ENPEP: variants seen among roughly 807,000 people sequenced by gnomAD.
ENPEP encodes glutamyl aminopeptidase, also known as AP-A.
ENPEP carries 103 observed loss-of-function variants against 114.5 expected under a neutral mutation model. The observed-to-expected ratio is 0.90, with a 90% confidence interval of 0.77 to 1.06. ENPEP has a LOEUF of 1.06. Ranked by LOEUF, ENPEP falls within the 50% of genes least tolerant of loss-of-function variation. The probability of loss-of-function intolerance (pLI) is 0.00; values close to 1 mark genes in which losing one functional copy is unlikely to be tolerated. For missense variants in ENPEP, 1,196 were observed against 1,161.3 expected, an observed-to-expected ratio of 1.03 and a Z score of -0.43; for synonymous variants, 420 against 422.0, an observed-to-expected ratio of 1.00 and a Z score of 0.06.
At chr4:110,495,927 A>AG (rs1479653536) in intron 3 of ENPEP, among the ~76,000 whole-genome samples, 2 of 152,112 alleles carry the variant, frequency 1.3e-5, no homozygotes, top group East Asian at 3.8e-4. Context: ...TCCTGAACAG[A>AG]GGGGGAAGCT....
At chr4:110,537,541 T>A (rs1438535482) in intron 11 of ENPEP, among the ~76,000 whole-genome samples, 1 of 152,190 alleles carries the variant, frequency 6.6e-6, no homozygotes, top group East Asian at 1.9e-4. Flanking sequence ...TGCAGTTACA[T>A]CCTCCATATA....
intron 4 of ENPEP, among the ~76,000 whole-genome samples, chr4:110,508,269 C>CAAA (rs11451516): frequency 2.7e-4 from 30 of 109,320 alleles, no homozygotes; most frequent in African/African-American, 5.4e-4. Context: ...CAGTACTGAC[C>CAAA]AAAAAAAAAA....
intron 14 of ENPEP, 120 bp from the exon 15 acceptor site, chr4:110,549,226 C>T (rs966772123): frequency 2.9e-5 from 23 of 796,786 alleles, no homozygotes; most frequent in Non-Finnish European, 3.9e-5. Context: ...TAAGGACAAG[C>T]GCAAAGTTCT....
Position 110,509,803 on chromosome 4 carries a change from A to C in ENPEP, c.1190A>C (p.His397Pro), listed in dbSNP as rs1471863865. The change falls in exon 5 of 20, where the codon CAT (histidine) becomes CCT (proline). Residue 397 changes from histidine (H) to proline (P), a missense_variant. By Grantham distance (77) the His-to-Pro change is moderately conservative. Transcript: ENST00000265162. ...VATVVAHELV[H>P]QWFGNIVTMD... ...ACTGTGGTTGCCCATGAACTTGTGC[A>C]TCAGGTACAGAATCTTAGCACTGAA... 6.2e-7 allele frequency: 1 copy of C among 1,613,046 alleles called. No homozygotes were observed. The highest frequency in any genetic ancestry group is 1.7e-5 in the Admixed American group (1 of 59,708).
intron 11 of ENPEP, among the ~76,000 whole-genome samples, chr4:110,531,564 T>C (rs1191370755): frequency 2.6e-5 from 4 of 151,588 alleles, no homozygotes; most frequent in African/African-American, 9.7e-5. Flanking sequence ...GTAAGTTTCC[T>C]TCCTTCCTTC....
At chr4:110,523,340 C>G (rs1726076660) in intron 10 of ENPEP, among the ~76,000 whole-genome samples, 1 of 152,178 alleles carries the variant, frequency 6.6e-6, no homozygotes, top group South Asian at 2.1e-4. Flanking sequence ...CCCTCTCCCC[C>G]TTCTGCCATG....
At chr4:110,483,622 A>G (rs1170653413) in intron 1 of ENPEP, among the ~76,000 whole-genome samples, 1 of 152,162 alleles carries the variant, frequency 6.6e-6, no homozygotes, top group African/African-American at 2.4e-5. Flanking sequence ...TGCATAGACT[A>G]TCATTTTATT....
intron 18 of ENPEP, 133 bp downstream of exon 18, chr4:110,553,588 T>C: frequency 1.2e-6 from 1 of 868,166 alleles, no homozygotes; most frequent in Non-Finnish European, 1.6e-6. Flanking sequence ...TAAAGGATCA[T>C]GGTATTATCC....
chr4:110,479,049 A>G (rs1724215179), intron 1 of ENPEP, among the ~76,000 whole-genome samples: 1 of 152,238 alleles, frequency 6.6e-6, no homozygotes, highest in African/African-American at 2.4e-5. Flanking sequence ...AACAGAGAAA[A>G]TTATAGGAAA....
intron 3 of ENPEP, among the ~76,000 whole-genome samples, chr4:110,497,853 A>G (rs1350975012): frequency 6.6e-6 from 1 of 152,258 alleles, no homozygotes; most frequent in Non-Finnish European, 1.5e-5. Context: ...CTGATGTATC[A>G]CTATTCCTTT....
chr4:110,550,168 T>A (rs1446431331), intron 17 of ENPEP, among the ~76,000 whole-genome samples: 2 of 152,092 alleles, frequency 1.3e-5, no homozygotes. Context: ...TTTTCAATGA[T>A]CGACATGTTG....
intron 11 of ENPEP, among the ~76,000 whole-genome samples, chr4:110,541,006 A>G (rs917427260): frequency 1.4e-4 from 21 of 152,134 alleles, no homozygotes; most frequent in Middle Eastern, 6.3e-3. Flanking sequence ...TCAAAAGTTC[A>G]TGCTCTTTCT....
chr4:110,553,356 A>G lies in ENPEP; in HGVS notation c.2543A>G (p.Gln848Arg), dbSNP rs749892715. Residue 848 changes from glutamine to arginine, a missense_variant, in exon 18 of 20, where the codon CAG (glutamine) becomes CGG (arginine). Gln to Arg is a conservative substitution (Grantham distance 43). Coordinates refer to ENST00000265162, the MANE Select transcript of ENPEP (RefSeq NM_001977.4). ...AAGGACACGAACCTTATTAAAACTC[A>G]GGATGTGTTTACAGTCATTCGATAT... ...LLKDTNLIKT[Q>R]DVFTVIRYIS... 24 of 1,607,188 alleles carry G rather than the reference A, an allele frequency of 1.5e-5. No individual in the cohort carries two copies. The highest frequency in any genetic ancestry group is 3.3e-4 in the Middle Eastern group (2 of 6,040).
At chr4:110,480,371 G>A (rs1306161588) in intron 1 of ENPEP, among the ~76,000 whole-genome samples, 2 of 152,144 alleles carry the variant, frequency 1.3e-5, no homozygotes, top group African/African-American at 4.8e-5. Flanking sequence ...GCCTCTAGGA[G>A]TTCTCATCCA....
intron 8 of ENPEP, among the ~76,000 whole-genome samples, chr4:110,518,792 A>G (rs1007813299): frequency 6.8e-4 from 104 of 152,292 alleles, no homozygotes; most frequent in African/African-American, 2.4e-3. Context: ...AATAATATTT[A>G]AAGTCCCTTC....
intron 3 of ENPEP, among the ~76,000 whole-genome samples, chr4:110,504,117 C>T (rs1046844065): frequency 6.6e-6 from 1 of 152,146 alleles, no homozygotes; most frequent in African/African-American, 2.4e-5. Flanking sequence ...GGGGAAGGGA[C>T]CTTGGCAGTT....
chr4:110,496,396 A>T (rs1724938677), intron 3 of ENPEP, among the ~76,000 whole-genome samples: 1 of 152,230 alleles, frequency 6.6e-6, no homozygotes, highest in South Asian at 2.1e-4. Flanking sequence ...GAGAGTTGCA[A>T]AGACACAAGA....
intron 1 of ENPEP, among the ~76,000 whole-genome samples, chr4:110,481,023 G>A (rs1724294445): frequency 6.6e-6 from 1 of 152,082 alleles, no homozygotes; most frequent in South Asian, 2.1e-4. Flanking sequence ...AAACTCCAAA[G>A]TATATATTTT....
At chr4:110,547,268 A>C (rs192755110) in intron 13 of ENPEP, among the ~76,000 whole-genome samples, 26 of 152,232 alleles carry the variant, frequency 1.7e-4, no homozygotes, top group African/African-American at 6.3e-4. Context: ...CTATAATTTA[A>C]GTCCCCCAGG....
Sources: gnomAD v4.1 joint callset for allele counts (sites outside exome capture counted in the v4.1 genomes callset) on GRCh38, gnomAD v4.1.1 for gene constraint, MANE v1.5 for transcripts, NCBI Gene and HGNC (gene_info 2026-07-23, HGNC 2026-07-21) for gene names.